The following DMD variants were observed in gnomAD, a reference collection of about 807,000 sequenced individuals.
DMD encodes the protein mutant dystrophin.
DMD carries 63 observed loss-of-function variants against 330.1 expected under a neutral mutation model. That is an observed-to-expected ratio of 0.19 (90% CI 0.16 to 0.24). The LOEUF (loss-of-function observed/expected upper bound fraction) is 0.24, where lower values mean the gene tolerates loss of function less well. Ranked by LOEUF, DMD falls within the 10% of genes least tolerant of loss-of-function variation. DMD has a pLI of 1.00. For missense variants in DMD, 3,344 were observed against 2,684.1 expected, an observed-to-expected ratio of 1.25 and a Z score of -5.43; for synonymous variants, 1,223 against 959.8, an observed-to-expected ratio of 1.27 and a Z score of -5.07.
chrX:33,234,124 A>G (rs1446039602), intron 1 of DMD, among the ~76,000 whole-genome samples: 1 of 111,915 alleles, frequency 8.9e-6, no homozygotes, highest in Non-Finnish European at 1.9e-5. Context: ...CCCAGGACGC[A>G]GGAAGGTAGA....
intron 61 of DMD, among the ~76,000 whole-genome samples, chrX:31,343,373 T>C: frequency 9.0e-6 from 1 of 111,440 alleles, no homozygotes; most frequent in East Asian, 2.8e-4. Context: ...CAAGTTAGTG[T>C]CTATCAGCGG....
intron 1 of DMD, among the ~76,000 whole-genome samples, chrX:33,170,982 A>G (rs1569557214): frequency 9.0e-6 from 1 of 111,559 alleles, no homozygotes; most frequent in African/African-American, 3.2e-5. Flanking sequence ...TGTTGGGCAT[A>G]TTTGTGTGGG....
chrX:32,931,781 G>T (rs1187972168), intron 2 of DMD, among the ~76,000 whole-genome samples: 1 of 111,349 alleles, frequency 9.0e-6, no homozygotes, highest in Non-Finnish European at 1.9e-5. Context: ...ATAGAATATA[G>T]GTATATTGAA....
intron 1 of DMD, among the ~76,000 whole-genome samples, chrX:33,242,737 A>G (rs1233894179): frequency 1.8e-5 from 2 of 111,533 alleles, no homozygotes; most frequent in Non-Finnish European, 3.8e-5. Context: ...TTCCCTGATC[A>G]CCACATCCAT....
chrX:31,622,361 C>T (rs1681746946), intron 55 of DMD, among the ~76,000 whole-genome samples: 1 of 110,235 alleles, frequency 9.1e-6, no homozygotes, highest in South Asian at 3.9e-4. Context: ...GTTTTACGAA[C>T]AATATTGAAA....
intron 62 of DMD, among the ~76,000 whole-genome samples, chrX:31,268,186 C>T (rs972962122): frequency 7.1e-5 from 8 of 111,954 alleles, no homozygotes; most frequent in Non-Finnish European, 5.6e-5. Context: ...CCACCATATC[C>T]GGCTTCTTTT....
At chrX:31,419,432 G>A (rs2063246740) in intron 60 of DMD, among the ~76,000 whole-genome samples, 1 of 110,461 alleles carries the variant, frequency 9.1e-6, no homozygotes, top group Non-Finnish European at 1.9e-5. Flanking sequence ...TGTGTGTGTT[G>A]TTTGTCTAAA....
At chrX:31,512,586 T>C (rs1351638240) in intron 55 of DMD, among the ~76,000 whole-genome samples, 7 of 107,796 alleles carry the variant, frequency 6.5e-5, no homozygotes, top group African/African-American at 2.0e-4. Context: ...ATTTATTAAA[T>C]AGGGAATCCT....
At chrX:31,700,582 AGAG>A (rs1017254457) in intron 52 of DMD, among the ~76,000 whole-genome samples, 2 of 112,132 alleles carry the variant, frequency 1.8e-5, no homozygotes, top group African/African-American at 3.2e-5. Context: ...GAGCTGGGTG[AGAG>A]GAGGATTGGG....
intron 17 of DMD, among the ~76,000 whole-genome samples, chrX:32,522,601 TTAGAA>T (rs2046551575): frequency 8.9e-6 from 1 of 112,415 alleles, no homozygotes; most frequent in African/African-American, 3.2e-5. Flanking sequence ...CTCATTTTTC[TTAGAA>T]TAAAGAACAA....
At chrX:31,338,943 C>CAAAAAAAAAAA (rs151110457) in intron 61 of DMD, among the ~76,000 whole-genome samples, 1 of 64,169 alleles carries the variant, frequency 1.6e-5, no homozygotes, top group Non-Finnish European at 2.9e-5. Context: ...CATCTATGCA[C>CAAAAAAAAAAA]AAAAAAAAAA....
At chrX:31,205,945 G>A (rs138682265) in intron 66 of DMD, among the ~76,000 whole-genome samples, 1 of 112,711 alleles carries the variant, frequency 8.9e-6, no homozygotes, top group African/African-American at 3.2e-5. Context: ...AATATGAATG[G>A]ATGGTCACTT....
intron 2 of DMD, among the ~76,000 whole-genome samples, chrX:32,862,629 T>A (rs1041051364): frequency 3.7e-4 from 41 of 112,159 alleles, no homozygotes; most frequent in African/African-American, 1.3e-3. Context: ...TATTTTTATG[T>A]ATTAATGTAA....
chrX:32,032,846 A>T (rs1310679910), intron 44 of DMD, among the ~76,000 whole-genome samples: 1 of 111,717 alleles, frequency 9.0e-6, no homozygotes, highest in Non-Finnish European at 1.9e-5. Context: ...GCATGAGGTG[A>T]GTGGGAAAAA....
chrX:32,872,626 A>G lies in DMD; in HGVS notation c.94-22806T>C, dbSNP rs138719167. Among the ~76,000 whole-genome samples, 901 of 112,319 alleles carry G rather than the reference A, an allele frequency of 8.0e-3. 8 individuals are homozygous for G. Among genetic ancestry groups the G allele is most frequent in the African/African-American group, 0.027 (848 of 30,926 alleles). ...AAGCTATAGGAAGCCCTTTCTGAAG[A>G]GATACAATTCAAGGTATGATCTTAA... On this transcript the variant is annotated intron_variant, in intron 2 of 78. Coordinates refer to ENST00000357033, the MANE Select transcript of DMD (RefSeq NM_004006.3).
chrX:32,408,233 A>G (rs1258973613), intron 30 of DMD, among the ~76,000 whole-genome samples: 2 of 111,968 alleles, frequency 1.8e-5, no homozygotes, highest in Non-Finnish European at 3.8e-5. Context: ...TAAAAGTGTA[A>G]GCTTTGCTTC....
intron 60 of DMD, among the ~76,000 whole-genome samples, chrX:31,433,055 C>T (rs2064196235): frequency 9.0e-6 from 1 of 111,596 alleles, no homozygotes; most frequent in African/African-American, 3.3e-5. Context: ...TGTCCCACAC[C>T]CTCCTGCCCT....
At chrX:32,391,281 C>T (rs2098000576) in intron 30 of DMD, among the ~76,000 whole-genome samples, 3 of 111,120 alleles carry the variant, frequency 2.7e-5, no homozygotes, top group East Asian at 2.8e-4. Context: ...TTTTGCATAA[C>T]GTATATTAGT....
chrX:32,387,015 T>C (rs2097963167), intron 32 of DMD, among the ~76,000 whole-genome samples: 1 of 110,633 alleles, frequency 9.0e-6, no homozygotes, highest in African/African-American at 3.3e-5. Flanking sequence ...TTTCAATATA[T>C]ATTGTATCAT....
Sources: allele counts gnomAD v4.1 joint callset (sites outside exome capture counted in the v4.1 genomes callset), GRCh38; gene constraint gnomAD v4.1.1; transcripts MANE v1.5; gene names NCBI Gene and HGNC (gene_info 2026-07-23, HGNC 2026-07-21).